The following EXOC4 variants were observed in gnomAD, a reference collection of about 807,000 sequenced individuals.
EXOC4 encodes the protein exocyst complex component 4, also known as SEC8-like 1.
EXOC4 carries 71 observed loss-of-function variants against 107.2 expected under a neutral mutation model. The ratio of observed to expected loss-of-function variants is 0.66; its 90% CI spans 0.55 to 0.81. The LOEUF (loss-of-function observed/expected upper bound fraction) is 0.81, where lower values mean the gene tolerates loss of function less well. EXOC4 is among the 30% of genes least tolerant of loss of function. EXOC4 has a pLI of 0.00. For missense variants in EXOC4, 1,108 were observed against 1,189.6 expected (o/e 0.93, Z 1.01); for synonymous variants, 456 against 441.2 (o/e 1.03, Z -0.42).
At chr7:133,615,358 C>T (rs1020431199) in intron 9 of EXOC4, among the ~76,000 whole-genome samples, 3 of 152,092 alleles carry the variant, frequency 2.0e-5, no homozygotes, top group African/African-American at 7.2e-5. Flanking sequence ...GTAAAATTGT[C>T]TCTTCCTTAT....
chr7:133,264,107 G>A (rs1277573182), intron 1 of EXOC4, among the ~76,000 whole-genome samples: 1 of 152,178 alleles, frequency 6.6e-6, no homozygotes, highest in Non-Finnish European at 1.5e-5. Flanking sequence ...GTAAGAGTAG[G>A]GGGTAGATTT....
At chr7:133,831,188 C>T (rs1797803529) in intron 11 of EXOC4, among the ~76,000 whole-genome samples, 1 of 152,158 alleles carries the variant, frequency 6.6e-6, no homozygotes, top group Non-Finnish European at 1.5e-5. Flanking sequence ...TGGTCTCGAA[C>T]CCCTGACTTC....
chr7:133,954,096 T>C lies in EXOC4; in HGVS notation c.2206+16027T>C, dbSNP rs146568302. ...ATGGATTACATTTTCTAGTTTTTACTAAACTTACCTTCCCCAAATGGATAA... is the reference window on the plus strand; with the variant it reads ...ATGGATTACATTTTCTAGTTTTTACCAAACTTACCTTCCCCAAATGGATAA... On this transcript the variant is annotated intron_variant, in intron 14 of 17. Transcript: ENST00000253861. Among the ~76,000 whole-genome samples the C allele has an allele frequency of 2.6e-3, 401 of 152,366 alleles. 1 individual carries two copies. Among genetic ancestry groups the C allele is most frequent in the African/African-American group, 9.3e-3 (388 of 41,590 alleles).
At chr7:133,980,669 C>G (rs1194882261) in intron 14 of EXOC4, among the ~76,000 whole-genome samples, 1 of 152,166 alleles carries the variant, frequency 6.6e-6, no homozygotes, top group East Asian at 1.9e-4. Context: ...GAAGTAATAT[C>G]CTGAAATTGT....
At chr7:133,267,042 T>C (rs1793746971) in intron 1 of EXOC4, among the ~76,000 whole-genome samples, 1 of 152,228 alleles carries the variant, frequency 6.6e-6, no homozygotes, top group African/African-American at 2.4e-5. Flanking sequence ...TATTTGGTGG[T>C]GTTTAGCCCT....
intron 12 of EXOC4, among the ~76,000 whole-genome samples, chr7:133,902,023 A>G (rs534575537): frequency 6.4e-4 from 98 of 152,314 alleles, no homozygotes; most frequent in African/African-American, 2.1e-3. Flanking sequence ...TCAGTTAGGA[A>G]AGGATCATGT....
intron 10 of EXOC4, among the ~76,000 whole-genome samples, chr7:133,775,313 A>G (rs1796323554): frequency 6.6e-6 from 1 of 152,168 alleles, no homozygotes; most frequent in Non-Finnish European, 1.5e-5. Flanking sequence ...TCTCAGTTAG[A>G]CGAGTGTACA....
intron 12 of EXOC4, among the ~76,000 whole-genome samples, chr7:133,910,736 C>T (rs369607606): frequency 7.2e-5 from 11 of 152,238 alleles, no homozygotes; most frequent in African/African-American, 9.6e-5. Context: ...CTAAATTGGA[C>T]GACGGCACTT....
chr7:133,466,910 C>T (rs1798742978), intron 7 of EXOC4, among the ~76,000 whole-genome samples: 1 of 152,058 alleles, frequency 6.6e-6, no homozygotes, highest in South Asian at 2.1e-4. Context: ...AAGCACTTGA[C>T]CTCCATTGAT....
At chr7:133,966,768 A>T (rs564161669) in intron 14 of EXOC4, among the ~76,000 whole-genome samples, 10 of 152,240 alleles carry the variant, frequency 6.6e-5, no homozygotes, top group Admixed American at 5.9e-4. Context: ...TTCATCAGGG[A>T]TATTGCCCTG....
At chr7:133,486,996 T>A (rs1170231203) in intron 9 of EXOC4, among the ~76,000 whole-genome samples, 3 of 152,240 alleles carry the variant, frequency 2.0e-5, no homozygotes, top group Non-Finnish European at 2.9e-5. Context: ...TTAGCCTTAA[T>A]TGATGTAGAC....
intron 11 of EXOC4, among the ~76,000 whole-genome samples, 191 bp downstream of exon 11, chr7:133,817,735 AG>A (rs948506252): frequency 5.9e-5 from 9 of 151,518 alleles, no homozygotes; most frequent in African/African-American, 2.2e-4. Context: ...AAGATCTTTA[AG>A]GAAAATTAAA....
At chr7:133,541,204 C>T (rs1800372659) in intron 9 of EXOC4, among the ~76,000 whole-genome samples, 1 of 152,118 alleles carries the variant, frequency 6.6e-6, no homozygotes, top group Admixed American at 6.5e-5. Flanking sequence ...AAATTGTGCA[C>T]TATGCAGGAA....
At chr7:133,703,511 G>A (rs1223045142) in intron 10 of EXOC4, among the ~76,000 whole-genome samples, 1 of 152,208 alleles carries the variant, frequency 6.6e-6, no homozygotes, top group African/African-American at 2.4e-5. Context: ...ATCCCGGCCA[G>A]CTTCCTTTCA....
At chr7:133,850,966 C>T (rs995035204) in intron 11 of EXOC4, among the ~76,000 whole-genome samples, 3 of 152,172 alleles carry the variant, frequency 2.0e-5, no homozygotes, top group Non-Finnish European at 4.4e-5. Context: ...TTCAATTCTT[C>T]CTCATATGAG....
At chr7:133,840,585 C>T (rs1026784079) in intron 11 of EXOC4, among the ~76,000 whole-genome samples, 5 of 151,928 alleles carry the variant, frequency 3.3e-5, no homozygotes, top group Non-Finnish European at 5.9e-5. Flanking sequence ...GCTCACTGCA[C>T]GATTCTCCTG....
chr7:133,542,067 G>A lies in EXOC4; in HGVS notation c.1417+61929G>A, dbSNP rs117181172. On this transcript the variant is annotated intron_variant, in intron 9 of 17. Transcript: ENST00000253861. ...AACTTATTTTAAAAATTATTTTGAAGCAATGTGTGTACAGGCCAAGACCCT... is the reference window on the plus strand; with the variant it reads ...AACTTATTTTAAAAATTATTTTGAAACAATGTGTGTACAGGCCAAGACCCT... 5.8e-3 allele frequency among the ~76,000 whole-genome samples: 889 copies of A among 152,032 alleles called. 5 individuals are homozygous for A. Among genetic ancestry groups the A allele is most frequent in the Non-Finnish European group, 9.9e-3 (671 of 67,960 alleles).
intron 17 of EXOC4, among the ~76,000 whole-genome samples, chr7:134,053,827 G>A (rs937920645): frequency 6.6e-6 from 1 of 151,950 alleles, no homozygotes; most frequent in South Asian, 2.1e-4. Context: ...CCTCTTTTCT[G>A]ATTTTCTTTC....
intron 17 of EXOC4, among the ~76,000 whole-genome samples, chr7:134,012,756 C>T (rs575440627): frequency 1.3e-5 from 2 of 152,230 alleles, no homozygotes; most frequent in South Asian, 2.1e-4. Flanking sequence ...GAGAAGCTGT[C>T]CAAGAATTGG....
Sources: allele counts gnomAD v4.1 joint callset (sites outside exome capture counted in the v4.1 genomes callset), GRCh38; gene constraint gnomAD v4.1.1; transcripts MANE v1.5; gene names NCBI Gene and HGNC (gene_info 2026-07-23, HGNC 2026-07-21).